The following CNTNAP2 variants were observed in gnomAD, a reference collection of about 807,000 sequenced individuals.
CNTNAP2 encodes contactin-associated protein-like 2.
In CNTNAP2, 98 loss-of-function variants were observed where a neutral mutation model predicts 155.2. The ratio of observed to expected loss-of-function variants is 0.63; its 90% CI spans 0.54 to 0.75. The LOEUF (loss-of-function observed/expected upper bound fraction) is 0.75. CNTNAP2 is among the 30% of genes least tolerant of loss of function. The pLI is 0.00. For missense variants in CNTNAP2, 1,727 were observed against 1,688.1 expected (o/e 1.02, Z -0.40); for synonymous variants, 651 against 631.2 (o/e 1.03, Z -0.47).
intron 17 of CNTNAP2, among the ~76,000 whole-genome samples, chr7:148,150,993 T>C (rs1226680872): frequency 6.6e-6 from 1 of 152,126 alleles, no homozygotes; most frequent in Non-Finnish European, 1.5e-5. Context: ...GGGCCGGAAT[T>C]ACAGGCATGA....
At chr7:146,501,773 A>T (rs1797303612) in intron 1 of CNTNAP2, among the ~76,000 whole-genome samples, 1 of 152,138 alleles carries the variant, frequency 6.6e-6, no homozygotes, top group Admixed American at 6.6e-5. Context: ...ATCAAGGTAC[A>T]TCCTAAATCT....
At chr7:147,803,643 C>T (rs851670) in intron 13 of CNTNAP2, among the ~76,000 whole-genome samples, 10,250 of 152,260 alleles carry the variant, frequency 0.067, 1,101 homozygotes, top group African/African-American at 0.23. Flanking sequence ...AAGGGAGTCT[C>T]CACCTGGCTC....
chr7:147,805,362 A>T (rs138640856), intron 13 of CNTNAP2, among the ~76,000 whole-genome samples: 62 of 152,340 alleles, frequency 4.1e-4, no homozygotes, highest in Admixed American at 1.2e-3. Flanking sequence ...AGATTATATC[A>T]TCTAAAAACA....
intron 1 of CNTNAP2, among the ~76,000 whole-genome samples, chr7:146,481,623 T>C (rs1194580644): frequency 1.3e-5 from 2 of 152,208 alleles, no homozygotes; most frequent in African/African-American, 2.4e-5. Context: ...TATTGAAAGG[T>C]TGAAGGCTTG....
rs1197880658 is a variant in CNTNAP2 at position 148,187,147 on chromosome 7, C to CACACACACACAA, written c.3010+14670_3010+14671insCACACACACAAA. Among the ~76,000 whole-genome samples the CACACACACACAA allele has an allele frequency of 8.9e-3, 601 of 67,186 alleles. 40 individuals carry two copies. The highest frequency in any genetic ancestry group is 0.027 in the South Asian group (54 of 2,006). 44.1% of individuals were successfully genotyped at this position (67,186 alleles called of 152,430 possible). A position where few individuals can be genotyped will look rare whatever the true frequency, so the allele number is the denominator to read the frequency against. On this transcript the variant is annotated intron_variant, in intron 18 of 23. Coordinates refer to ENST00000361727, the MANE Select transcript of CNTNAP2 (RefSeq NM_014141.6). ...ACACACACACACACACACACACACA[C>CACACACACACAA]AAACAGAGCCAGGTGTGAGCTGGAC...
intron 8 of CNTNAP2, among the ~76,000 whole-genome samples, chr7:147,185,420 G>A (rs1431312034): frequency 2.0e-5 from 3 of 152,042 alleles, no homozygotes; most frequent in African/African-American, 7.2e-5. Context: ...CAGAAAATTT[G>A]TATGAATATG....
At chr7:148,266,131 G>A (rs1047122533) in intron 20 of CNTNAP2, among the ~76,000 whole-genome samples, 2 of 152,162 alleles carry the variant, frequency 1.3e-5, no homozygotes, top group Non-Finnish European at 2.9e-5. Flanking sequence ...TGCCCATGTC[G>A]GAAAGCAATG....
chr7:146,887,002 A>T (rs1272002930), intron 3 of CNTNAP2, among the ~76,000 whole-genome samples: 2 of 151,578 alleles, frequency 1.3e-5, no homozygotes, highest in African/African-American at 4.9e-5. Context: ...AAAAACCCTT[A>T]ACTCCTTTAT....
At chr7:147,308,846 T>C (rs1795076357) in intron 9 of CNTNAP2, among the ~76,000 whole-genome samples, 1 of 152,174 alleles carries the variant, frequency 6.6e-6, no homozygotes, top group Admixed American at 6.5e-5. Context: ...GAATGCTCTT[T>C]CTGCTGCATC....
intron 1 of CNTNAP2, among the ~76,000 whole-genome samples, chr7:146,687,779 C>G (rs1800627756): frequency 1.3e-5 from 2 of 152,214 alleles, no homozygotes; most frequent in South Asian, 4.1e-4. Context: ...AAGAGAGAGA[C>G]AGAGATATAA....
intron 18 of CNTNAP2, among the ~76,000 whole-genome samples, chr7:148,188,383 G>A (rs746665385): frequency 2.6e-5 from 4 of 152,198 alleles, no homozygotes; most frequent in African/African-American, 7.2e-5. Flanking sequence ...GAGTTTGAAG[G>A]GAGGAGCCAG....
rs138067463 is a variant in CNTNAP2 at position 146,205,050 on chromosome 7, A to C, written c.97+88077A>C. ...ACTTAAGAAATATGAGTGAAGATAT[A>C]TGTCAGTAAATTGTAGGCAAGTAAG... On this transcript the variant is annotated intron_variant, in intron 1 of 23. Transcript: ENST00000361727. Among the ~76,000 whole-genome samples, 811 of 152,184 alleles carry C rather than the reference A, an allele frequency of 5.3e-3. 6 individuals carry two copies. The highest frequency in any genetic ancestry group is 0.018 in the African/African-American group (755 of 41,578).
intron 13 of CNTNAP2, among the ~76,000 whole-genome samples, chr7:147,733,478 G>C (rs573985510): frequency 1.3e-4 from 20 of 152,212 alleles, no homozygotes; most frequent in African/African-American, 4.6e-4. Context: ...TGTTCTTTTG[G>C]CTTAGGATTG....
chr7:146,316,614 G>C (rs1304932598), intron 1 of CNTNAP2, among the ~76,000 whole-genome samples: 2 of 152,106 alleles, frequency 1.3e-5, no homozygotes, highest in Non-Finnish European at 2.9e-5. Context: ...AGCTGTGTTT[G>C]GTCATGAGAA....
At chr7:146,826,849 T>TAGAGAG (rs1338280578) in intron 2 of CNTNAP2, among the ~76,000 whole-genome samples, 76 of 142,572 alleles carry the variant, frequency 5.3e-4, no homozygotes, top group African/African-American at 2.1e-3. Flanking sequence ...TATATATATA[T>TAGAGAG]ATATATATAG....
chr7:146,946,594 G>T, intron 3 of CNTNAP2, among the ~76,000 whole-genome samples: 1 of 152,168 alleles, frequency 6.6e-6, no homozygotes, highest in Non-Finnish European at 1.5e-5. Flanking sequence ...GAGCTTTAAA[G>T]GTAAAAGGTT....
chr7:146,830,480 A>G (rs1438673671), intron 2 of CNTNAP2, among the ~76,000 whole-genome samples: 2 of 152,264 alleles, frequency 1.3e-5, no homozygotes, highest in South Asian at 2.1e-4. Flanking sequence ...ATATATATGT[A>G]AAGACTTTAT....
At chr7:147,672,905 C>T (rs1245733426) in intron 13 of CNTNAP2, 1 of 152,108 alleles carries the variant, frequency 6.6e-6, no homozygotes, top group Non-Finnish European at 1.5e-5. Flanking sequence ...CAAGGATACC[C>T]AAAGCCAAGT....
At chr7:147,058,597 G>C (rs577429848) in intron 4 of CNTNAP2, among the ~76,000 whole-genome samples, 1 of 147,600 alleles carries the variant, frequency 6.8e-6, no homozygotes, top group Non-Finnish European at 1.5e-5. Context: ...TTTTTTGTTC[G>C]TTTGTTTTGT....
Sources: allele counts gnomAD v4.1 joint callset (sites outside exome capture counted in the v4.1 genomes callset), GRCh38; gene constraint gnomAD v4.1.1; transcripts MANE v1.5; gene names NCBI Gene and HGNC (gene_info 2026-07-23, HGNC 2026-07-21).